Variants in NRAP observed in about 807,000 individuals in gnomAD.
NRAP encodes nebulin-related-anchoring protein.
A neutral mutation model predicts 225.9 loss-of-function variants in NRAP; 189 were observed. That is an observed-to-expected ratio of 0.84 (90% confidence interval 0.74 to 0.94). NRAP has a LOEUF of 0.94. Ranked by LOEUF, NRAP falls within the 40% of genes least tolerant of loss-of-function variation. NRAP has a pLI of 0.00. For synonymous variants in NRAP, 769 were observed against 790.7 expected, an observed-to-expected ratio of 0.97 and a Z score of 0.46; for missense variants, 2,176 against 2,168.7, an observed-to-expected ratio of 1.00 and a Z score of -0.07.
chr10:113,589,518 T>TTA, intron 41 of NRAP, 148 bp downstream of exon 41: 1 of 909,588 alleles, frequency 1.1e-6, no homozygotes, highest in Non-Finnish European at 1.7e-6. Context: ...CTCAGACCCA[T>TTA]GAAATTAGGC....
Position 113,646,969 on chromosome 10 carries a change from G to C in NRAP, c.947C>G (p.Thr316Ser), listed in dbSNP as rs1849549229. 6.2e-7 allele frequency: 1 copy of C among 1,613,962 alleles called. No homozygotes were observed. The highest frequency in any genetic ancestry group is 1.3e-5 in the African/African-American group (1 of 74,900). Residue 316 changes from threonine (T) to serine (S), a missense_variant, in exon 10 of 42, where the codon ACT (threonine) becomes AGT (serine). Physicochemically the swap from Thr to Ser is moderately conservative, Grantham distance 58 (BLOSUM62 1). Around this residue, in one of 3 missense-constraint regions of NRAP, gnomAD observed 1,708 missense variants for 1,695.5 expected, o/e 1.01. Transcript: ENST00000359988. ...TTTCTTGGCGTTCTGATATGCTGGA[G>C]TGATCATAGCTGGGAAGCTGCCCTT... The part of the protein sequence containing the change: ...RGKGSFPAMI[T>S]PAYQNAKKAH...
At chr10:113,599,483 C>T (rs866811716) in intron 35 of NRAP, among the ~76,000 whole-genome samples, 1 of 152,176 alleles carries the variant, frequency 6.6e-6, no homozygotes, top group African/African-American at 2.4e-5. Flanking sequence ...TCTTCACAGC[C>T]GGGCCTTGCT....
intron 22 of NRAP, 115 bp downstream of exon 22, chr10:113,624,711 A>G: frequency 2.7e-6 from 2 of 728,462 alleles, no homozygotes; most frequent in Non-Finnish European, 4.9e-6. Flanking sequence ...CAACAACCAG[A>G]TGTATGTAAC....
In NRAP at chr10:113,643,263, G is replaced by A. The variant is rs566992978; in HGVS notation, c.1111-225C>T. On this transcript the variant is annotated intron_variant, in intron 11 of 41. Transcript: ENST00000359988. ...TTCAGAAAATTAAAAGCATATAGTCGCTTTCAAGAACAAATAATATAAGAT... is the reference window on the plus strand; with the variant it reads ...TTCAGAAAATTAAAAGCATATAGTCACTTTCAAGAACAAATAATATAAGAT... 2.2e-4 allele frequency among the ~76,000 whole-genome samples: 34 copies of A among 152,214 alleles called. 1 individual carries two copies. The highest frequency in any genetic ancestry group is 6.0e-4 in the African/African-American group (25 of 41,526).
At chr10:113,639,909 T>C (rs532652864) in intron 14 of NRAP, among the ~76,000 whole-genome samples, 73 of 152,272 alleles carry the variant, frequency 4.8e-4, no homozygotes, top group African/African-American at 1.7e-3. Context: ...AAACAAATCA[T>C]CCTTGCTAAG....
At chr10:113,660,361 G>A (rs147192115) in intron 3 of NRAP, among the ~76,000 whole-genome samples, 3 of 151,314 alleles carry the variant, frequency 2.0e-5, no homozygotes, top group African/African-American at 7.3e-5. Flanking sequence ...CACACTCTCC[G>A]GATGCACACA....
Position 113,615,756 on chromosome 10 carries a change from G to T in NRAP, c.3034C>A (p.Pro1012Thr). ...KHHYTPTADL[P>T]EVLLAKLNAM... ...TTCAGCTTGGCCAGCAGGACTTCAG[G>T]GAGGTCAGCAGTCGGTGTGTAATGA... is the stretch of plus-strand genomic sequence containing the variant. Residue 1012 changes from proline (P) to threonine (T), a missense_variant, in exon 27 of 42, where the codon CCT (proline) becomes ACT (threonine). Physicochemically the swap from Pro to Thr is conservative, Grantham distance 38. Coordinates refer to ENST00000359988, the MANE Select transcript of NRAP (RefSeq NM_198060.4). The T allele has an allele frequency of 6.2e-7, 1 of 1,612,316 alleles. No individual in the cohort carries two copies. Among genetic ancestry groups the T allele is most frequent in the Non-Finnish European group, 8.5e-7 (1 of 1,178,376 alleles).
At chr10:113,629,556 G>C in intron 19 of NRAP, 32 bp downstream of exon 19, 1 of 1,438,728 alleles carries the variant, frequency 7.0e-7, no homozygotes, top group East Asian at 2.3e-5. Flanking sequence ...TGCAAGAGAT[G>C]CATGAAGAGA....
rs564024931 is a variant in NRAP at position 113,592,248 on chromosome 10, C to G, written c.4590G>C (p.Arg1530Ser). Reference protein sequence around the residue: ...EQTRAGSYDFRLDAIPFQTAR... With the variant: ...EQTRAGSYDFSLDAIPFQTAR... ...CAGTCTGGAAGGGGATGGCATCCAG[C>G]CTGAAGTCATAACTGCCAGCCCGGG... is the stretch of plus-strand genomic sequence containing the variant. Residue 1530 changes from arginine (R) to serine (S), a missense_variant, in exon 39 of 42, where the codon AGG (arginine) becomes AGC (serine). Arg to Ser is a moderately radical substitution (Grantham distance 110). This residue lies in a region of NRAP where 445 missense variants were observed against 426.1 expected (regional missense o/e 1.04). Transcript: ENST00000359988. 6.2e-7 allele frequency: 1 copy of G among 1,612,864 alleles called. No homozygotes were observed. Among genetic ancestry groups the G allele is most frequent in the Non-Finnish European group, 8.5e-7 (1 of 1,179,396 alleles).
chr10:113,631,459 T>C, intron 18 of NRAP, 50 bp downstream of exon 18: 1 of 1,225,048 alleles, frequency 8.2e-7, no homozygotes, highest in Non-Finnish European at 1.2e-6. Flanking sequence ...GGAAAACTTT[T>C]AAAATAACAC....
intron 35 of NRAP, among the ~76,000 whole-genome samples, chr10:113,598,892 T>C (rs539214468): frequency 1.5e-4 from 23 of 152,274 alleles, no homozygotes; most frequent in African/African-American, 5.1e-4. Context: ...TGGGAGAAAA[T>C]AATAAATGGT....
chr10:113,644,242 C>T (rs564696667), intron 11 of NRAP, among the ~76,000 whole-genome samples: 6 of 150,864 alleles, frequency 4.0e-5, no homozygotes, highest in Admixed American at 1.3e-4. Context: ...AGTTCTGTCC[C>T]TAAAAGTCTC....
chr10:113,661,348 C>T (rs1850663578), intron 3 of NRAP, among the ~76,000 whole-genome samples: 1 of 152,160 alleles, frequency 6.6e-6, no homozygotes, highest in Non-Finnish European at 1.5e-5. Flanking sequence ...GTTCTAAGCA[C>T]TTAGTGAAAA....
intron 38 of NRAP, among the ~76,000 whole-genome samples, chr10:113,595,266 G>T (rs1846223332): frequency 6.6e-6 from 1 of 152,084 alleles, no homozygotes; most frequent in Admixed American, 6.5e-5. Flanking sequence ...CTACAGAGAG[G>T]GGTCCAGGAA....
chr10:113,605,524 G>T (rs1303122634), intron 34 of NRAP, among the ~76,000 whole-genome samples: 1 of 152,244 alleles, frequency 6.6e-6, no homozygotes, highest in East Asian at 1.9e-4. Context: ...GTTGCAATTA[G>T]AAATAAATCA....
intron 4 of NRAP, among the ~76,000 whole-genome samples, chr10:113,655,915 C>A (rs1345375079): frequency 6.6e-6 from 1 of 152,142 alleles, no homozygotes; most frequent in Non-Finnish European, 1.5e-5. Context: ...TAGAAATATA[C>A]TGTAAACCAA....
chr10:113,622,084 A>C lies in NRAP; in HGVS notation c.2554T>G (p.Ser852Ala). The C allele has an allele frequency of 6.2e-7, 1 of 1,614,122 alleles. No homozygotes were observed. ...DSQMSHSLQM[S>A]KLQSELEYKK... is the part of the protein sequence containing the mutation. The stretch of plus-strand genomic sequence containing the variant: ...TACTCCAGCTCACTCTGCAGCTTGG[A>C]CATTTGCAGTGAGTGGCTCATTTGC... The change falls in exon 24 of 42, where the codon TCC becomes GCC. Residue 852 changes from serine to alanine, a missense_variant. Around this residue, in one of 3 missense-constraint regions of NRAP, gnomAD observed 1,708 missense variants for 1,695.5 expected, o/e 1.01. Transcript: ENST00000359988.
Position 113,653,029 on chromosome 10 carries a change from T to C in NRAP, c.476A>G (p.Glu159Gly), listed in dbSNP as rs551415165. ...ARKSLGEEYT[E>G]DYEQPRGKGS... The stretch of plus-strand genomic sequence containing the variant: ...CTTGCCCCTGGGTTGCTCATAGTCT[T>C]CTGTATATTCCTGTTGGTCAGAACC... Residue 159 changes from glutamate to glycine, a missense_variant, in exon 6 of 42, where the codon GAA becomes GGA. By Grantham distance (98) the Glu-to-Gly change is moderately conservative. This residue lies in a region of NRAP where 1,708 missense variants were observed against 1,695.5 expected (regional missense o/e 1.01). Transcript: ENST00000359988. 1 of 1,597,978 alleles carries C rather than the reference T, an allele frequency of 6.3e-7. No individual in the cohort carries two copies. Among genetic ancestry groups the C allele is most frequent in the African/African-American group, 1.4e-5 (1 of 69,492 alleles).
intron 4 of NRAP, among the ~76,000 whole-genome samples, chr10:113,657,167 G>A: frequency 6.6e-6 from 1 of 152,128 alleles, no homozygotes; most frequent in South Asian, 2.1e-4. Flanking sequence ...AGAACGGGGA[G>A]AGTGGAGAGA....
Sources: gnomAD v4.1 joint callset for allele counts (sites outside exome capture counted in the v4.1 genomes callset) on GRCh38, gnomAD v4.1.1 for gene constraint, gnomAD v4.1.1 regional missense constraint, MANE v1.5 for transcripts, NCBI Gene and HGNC (gene_info 2026-07-23, HGNC 2026-07-21) for gene names.